The following DMXL2 variants were observed in gnomAD, a reference collection of about 807,000 sequenced individuals.
DMXL2 encodes the protein dmX-like protein 2.
In DMXL2, 103 loss-of-function variants were observed where a neutral mutation model predicts 331.1. That is an observed-to-expected ratio of 0.31 (90% CI 0.27 to 0.37). DMXL2 has a LOEUF of 0.37. Ranked by LOEUF, DMXL2 falls within the 10% of genes least tolerant of loss-of-function variation. The probability of loss-of-function intolerance (pLI) is 1.00; values close to 1 mark genes in which losing one functional copy is unlikely to be tolerated. For synonymous variants in DMXL2, 1,281 were observed against 1,252.1 expected (o/e 1.02, Z -0.49); for missense variants, 3,171 against 3,642.9 (o/e 0.87, Z 3.33).
At chr15:51,560,112 T>C (rs1186124365) in intron 6 of DMXL2, among the ~76,000 whole-genome samples, 2 of 152,168 alleles carry the variant, frequency 1.3e-5, no homozygotes, top group African/African-American at 4.8e-5. Flanking sequence ...GACTTAATTA[T>C]AAGAGATTAA....
At chr15:51,568,360 A>G (rs1349348850) in intron 3 of DMXL2, 127 bp downstream of exon 3, 1 of 604,600 alleles carries the variant, frequency 1.7e-6, no homozygotes, top group Non-Finnish European at 2.8e-6. Flanking sequence ...ATAAAGCACT[A>G]GACCAATTTT....
chr15:51,552,256 G>A (rs1472886550), intron 6 of DMXL2, among the ~76,000 whole-genome samples: 1 of 152,006 alleles, frequency 6.6e-6, no homozygotes, highest in Non-Finnish European at 1.5e-5. Flanking sequence ...ATTAAAAGGT[G>A]GTGAAAAGGA....
chr15:51,478,654 A>G (rs928388509), intron 25 of DMXL2, among the ~76,000 whole-genome samples: 1 of 152,170 alleles, frequency 6.6e-6, no homozygotes, highest in African/African-American at 2.4e-5. Flanking sequence ...TACCCTAACA[A>G]TTAGCTTAAA....
chr15:51,603,166 T>C (rs1325373637), intron 1 of DMXL2, among the ~76,000 whole-genome samples: 1 of 150,856 alleles, frequency 6.6e-6, no homozygotes. Context: ...AAACCAAGAG[T>C]GAATATGAAT....
chr15:51,616,450 G>A (rs778334565), intron 1 of DMXL2, among the ~76,000 whole-genome samples: 3 of 152,172 alleles, frequency 2.0e-5, no homozygotes, highest in Middle Eastern at 3.2e-3. Flanking sequence ...AGGATTACAT[G>A]AGCTATCTTT....
intron 3 of DMXL2, 81 bp from the exon 4 acceptor site, chr15:51,565,247 C>A: frequency 2.4e-6 from 2 of 816,404 alleles, no homozygotes; most frequent in South Asian, 2.1e-5. Flanking sequence ...ACCATTTTAT[C>A]ATTTTCTTCA....
In DMXL2 at chr15:51,537,634, G is replaced by A; in HGVS notation, c.1471C>T (p.Leu491Phe). Residue 491 changes from leucine to phenylalanine, a missense_variant, in exon 11 of 44, where the codon CTT becomes TTT. Around this residue, in one of 7 missense-constraint regions of DMXL2, gnomAD observed 1,674 missense variants for 1,780.2 expected, o/e 0.94. Transcript: ENST00000560891. ...AGCAGCGTTTCAATCTTCCGATCAA[G>A]CAGAACCGTAGGCAGTGGCATTGGT... ...SVPMPLPTVLLDRKIETLLTE... is the reference protein window; with the variant it reads ...SVPMPLPTVLFDRKIETLLTE... 1 of 1,613,806 alleles carries A rather than the reference G, an allele frequency of 6.2e-7. No homozygotes were observed. Among genetic ancestry groups the A allele is most frequent in the Non-Finnish European group, 8.5e-7 (1 of 1,179,860 alleles).
intron 23 of DMXL2, 25 bp downstream of exon 23, chr15:51,486,048 A>G: frequency 6.5e-7 from 1 of 1,535,662 alleles, no homozygotes; most frequent in Admixed American, 2.1e-5. Context: ...AAAAAGAAAA[A>G]AAAGAAATCC....
intron 15 of DMXL2, among the ~76,000 whole-genome samples, chr15:51,513,269 T>C (rs1328221650): frequency 5.9e-5 from 9 of 152,208 alleles, no homozygotes; most frequent in Admixed American, 4.6e-4. Context: ...CTGGCATATC[T>C]TTCCTGTTAG....
chr15:51,463,558 A>C, intron 32 of DMXL2, 62 bp from the exon 33 acceptor site: 1 of 983,574 alleles, frequency 1.0e-6, no homozygotes, highest in Non-Finnish European at 1.5e-6. Flanking sequence ...TTATATTTGC[A>C]GATATTTATT....
intron 18 of DMXL2, 111 bp from the exon 19 acceptor site, chr15:51,495,245 AG>A (rs1186991251): frequency 9.7e-6 from 6 of 619,756 alleles, no homozygotes; most frequent in Non-Finnish European, 1.6e-5. Flanking sequence ...AAAATACATA[AG>A]TTTTAGTGTA....
rs1411812997 is a variant in DMXL2, at chr15:51,499,253, G to A, written c.3971C>T (p.Ser1324Leu). Reference protein sequence around the residue: ...GTAISDDVFCSPTVIQDGGLF... With the variant: ...GTAISDDVFCLPTVIQDGGLF... ...GCCACCATCTTGAATTACAGTTGGTGAACAAAAAACATCATCAGAAATAGC... is the reference window on the plus strand; with the variant it reads ...GCCACCATCTTGAATTACAGTTGGTAAACAAAAAACATCATCAGAAATAGC... Residue 1324 changes from serine (S) to leucine (L), a missense_variant, in exon 18 of 44, where the codon TCA becomes TTA. Coordinates refer to ENST00000560891, the MANE Select transcript of DMXL2 (RefSeq NM_001378457.1). The A allele has an allele frequency of 1.2e-6, 2 of 1,613,686 alleles. No homozygotes were observed. The highest frequency in any genetic ancestry group is 1.7e-5 in the Admixed American group (1 of 59,998).
chr15:51,622,405 G>C, intron 1 of DMXL2, 54 bp downstream of exon 1: 1 of 1,548,600 alleles, frequency 6.5e-7, no homozygotes, highest in Non-Finnish European at 8.7e-7. Context: ...GGAGGTCCCT[G>C]CCCCCGCGTC....
intron 3 of DMXL2, among the ~76,000 whole-genome samples, chr15:51,565,685 G>A (rs1269530950): frequency 2.0e-5 from 3 of 152,128 alleles, no homozygotes; most frequent in African/African-American, 7.2e-5. Flanking sequence ...TATCTTCAGC[G>A]TTTGTAATGG....
chr15:51,550,288 A>G (rs1284802325), intron 6 of DMXL2, among the ~76,000 whole-genome samples: 2 of 152,096 alleles, frequency 1.3e-5, no homozygotes, highest in Non-Finnish European at 2.9e-5. Context: ...CCCTCAAGAA[A>G]TCTTCTCATC....
intron 19 of DMXL2, among the ~76,000 whole-genome samples, chr15:51,494,748 T>A (rs2043053069): frequency 6.6e-6 from 1 of 152,196 alleles, no homozygotes; most frequent in Admixed American, 6.6e-5. Flanking sequence ...GACAGCCACT[T>A]TGGGTTACAA....
In DMXL2 at chr15:51,596,414, G is replaced by A. The variant is rs574319872; in HGVS notation, c.88-20233C>T. ...TAGAATGGCGATCATTAAAAAGTCA[G>A]GAAACAACAGGTGCTGGAGAGGATG... On this transcript the variant is annotated intron_variant, in intron 1 of 43. Transcript: ENST00000560891. 8.5e-5 allele frequency among the ~76,000 whole-genome samples: 13 copies of A among 152,280 alleles called. No homozygotes were observed. The East Asian group carries it at 2.5e-3, about 29-fold the overall frequency.
intron 16 of DMXL2, among the ~76,000 whole-genome samples, chr15:51,506,164 C>T (rs2140539484): frequency 6.6e-6 from 1 of 152,178 alleles, no homozygotes; most frequent in East Asian, 1.9e-4. Context: ...CCTCTGACTC[C>T]AGGGCTCAAG....
intron 12 of DMXL2, 73 bp from the exon 13 acceptor site, chr15:51,535,857 A>G: frequency 6.8e-7 from 1 of 1,472,822 alleles, no homozygotes; most frequent in Non-Finnish European, 9.0e-7. Context: ...AGGATAAGAA[A>G]CAAGTATTCA....
Sources: gnomAD v4.1 joint callset for allele counts (sites outside exome capture counted in the v4.1 genomes callset) on GRCh38, gnomAD v4.1.1 for gene constraint, gnomAD v4.1.1 regional missense constraint, MANE v1.5 for transcripts, NCBI Gene and HGNC (gene_info 2026-07-23, HGNC 2026-07-21) for gene names.